Variants in KIAA0586 observed in about 807,000 individuals in gnomAD.
KIAA0586 encodes KIAA0586, also known as protein TALPID3.
Under a neutral mutation model 169.8 loss-of-function variants are expected in KIAA0586, and 144 were observed. That is an observed-to-expected ratio of 0.85 (90% CI 0.74 to 0.97). The LOEUF (loss-of-function observed/expected upper bound fraction) is 0.97, where lower values mean the gene tolerates loss of function less well. KIAA0586 is among the 50% of genes least tolerant of loss of function. The probability of loss-of-function intolerance (pLI) is 0.00; values close to 1 mark genes in which losing one functional copy is unlikely to be tolerated. For synonymous variants in KIAA0586, 625 were observed against 612.4 expected, an observed-to-expected ratio of 1.02 and a Z score of -0.30; for missense variants, 1,854 against 1,823.0, an observed-to-expected ratio of 1.02 and a Z score of -0.31.
At position 58,508,547 on chromosome 14, in the gene KIAA0586, G is replaced by C. The variant is rs766302985; in HGVS notation, c.4169-8G>C. On this transcript the variant is annotated splice_polypyrimidine_tract_variant and splice_region_variant and intron_variant, in intron 27 of 30. Transcript: ENST00000652326. ...ATTTTAACTTTTTATTTACATTTTT[G>C]ATAACAGGTAGTATTTATGAAGATT... 2.3e-5 allele frequency: 36 copies of C among 1,545,670 alleles called. No individual in the cohort carries two copies. Among genetic ancestry groups the C allele is most frequent in the Admixed American group, 4.1e-5 (2 of 49,380 alleles).
intron 20 of KIAA0586, among the ~76,000 whole-genome samples, chr14:58,479,581 T>TA (rs1020767958): frequency 1.1e-4 from 17 of 152,172 alleles, no homozygotes; most frequent in African/African-American, 3.4e-4. Flanking sequence ...ATGCTGCTTT[T>TA]AAAAAAATCT....
chr14:58,540,204 T>G, intron 30 of KIAA0586, 68 bp downstream of exon 30: 1 of 850,754 alleles, frequency 1.2e-6, no homozygotes, highest in South Asian at 1.6e-5. Flanking sequence ...CTGATGATTC[T>G]TTCTCTCATA....
intron 27 of KIAA0586, among the ~76,000 whole-genome samples, chr14:58,502,235 A>C (rs1039394913): frequency 6.6e-6 from 1 of 152,114 alleles, no homozygotes; most frequent in African/African-American, 2.4e-5. Flanking sequence ...TCCTGGGTTC[A>C]AGTGATTCTC....
rs1276286664 is a variant in KIAA0586, at chr14:58,484,923, TA to T, written c.3145-2083del. On this transcript the variant is annotated intron_variant, in intron 21 of 30. Transcript: ENST00000652326. ...ATATATATATATATATATATATATA[TA>T]TTTTTTTTTTTTTTTTTTTTTTTTT... Among the ~76,000 whole-genome samples the T allele has an allele frequency of 4.7e-3, 212 of 44,852 alleles. 3 individuals are homozygous for T. Among genetic ancestry groups the T allele is most frequent in the Non-Finnish European group, 7.1e-3 (176 of 24,630 alleles). 29.4% of individuals were successfully genotyped at this position (44,852 alleles called of 152,430 possible).
At position 58,512,012 on chromosome 14, in the gene KIAA0586, G is replaced by A. The variant is rs182639008; in HGVS notation, c.4324-510G>A. Among the ~76,000 whole-genome samples the A allele has an allele frequency of 3.9e-5, 6 of 152,236 alleles. No individual in the cohort carries two copies. The East Asian group carries it at 9.6e-4, about 24-fold the overall frequency. ...ATGAGAGATGATAGTGCTTATGGTG[G>A]AGCGTATGTTTCTTGAATAGCAAAT... On this transcript the variant is annotated intron_variant, in intron 28 of 30. Transcript: ENST00000652326.
chr14:58,519,085 T>A (rs1265836738), intron 29 of KIAA0586, among the ~76,000 whole-genome samples: 1 of 152,176 alleles, frequency 6.6e-6, no homozygotes, highest in Non-Finnish European at 1.5e-5. Flanking sequence ...TGAGCTGAGA[T>A]CGCACCACTG....
chr14:58,440,577 C>T (rs2038244553), intron 4 of KIAA0586, among the ~76,000 whole-genome samples: 1 of 152,182 alleles, frequency 6.6e-6, no homozygotes, highest in Non-Finnish European at 1.5e-5. Flanking sequence ...GGTGATCCAC[C>T]CGCCTTAGCC....
At chr14:58,477,968 C>T (rs954938195) in intron 20 of KIAA0586, among the ~76,000 whole-genome samples, 3 of 152,008 alleles carry the variant, frequency 2.0e-5, no homozygotes, top group South Asian at 2.1e-4. Context: ...AGTTTACTTG[C>T]CATAAAAGTC....
intron 20 of KIAA0586, 34 bp from the exon 21 acceptor site, chr14:58,482,479 C>T (rs1283146451): frequency 1.5e-6 from 2 of 1,371,454 alleles, no homozygotes; most frequent in Non-Finnish European, 9.6e-7. Context: ...ATGTTTCTTG[C>T]CCACTTATTC....
At chr14:58,499,597 C>T (rs757136150) in intron 27 of KIAA0586, among the ~76,000 whole-genome samples, 54 of 151,404 alleles carry the variant, frequency 3.6e-4, no homozygotes, top group Non-Finnish European at 6.5e-4. Flanking sequence ...CTTGCTTTGT[C>T]GCCCAGGGTG....
intron 29 of KIAA0586, among the ~76,000 whole-genome samples, chr14:58,522,850 T>C (rs1390167084): frequency 6.6e-6 from 1 of 152,200 alleles, no homozygotes; most frequent in African/African-American, 2.4e-5. Flanking sequence ...CAGATTGTTT[T>C]TATGTATATA....
downstream of KIAA0586, among the ~76,000 whole-genome samples, chr14:58,553,395 T>A (rs922460490): frequency 1.3e-5 from 2 of 151,866 alleles, no homozygotes; most frequent in African/African-American, 4.8e-5. Flanking sequence ...AACAAGGTAG[T>A]GGAAACGTAT....
At chr14:58,545,724 A>C (rs887277398) in intron 30 of KIAA0586, among the ~76,000 whole-genome samples, 4 of 152,194 alleles carry the variant, frequency 2.6e-5, no homozygotes, top group Non-Finnish European at 5.9e-5. Flanking sequence ...TGTCCTATAC[A>C]CATTTTTAAG....
At chr14:58,513,349 T>C (rs891672942) in intron 29 of KIAA0586, among the ~76,000 whole-genome samples, 32 of 152,104 alleles carry the variant, frequency 2.1e-4, no homozygotes, top group African/African-American at 7.2e-4. Flanking sequence ...TTTGCTTTTA[T>C]AACTGTGATT....
At chr14:58,535,291 CAT>C (rs2046212332) in intron 29 of KIAA0586, among the ~76,000 whole-genome samples, 1 of 152,198 alleles carries the variant, frequency 6.6e-6, no homozygotes. Context: ...TCTATTAAAA[CAT>C]AGAGTCTCTC....
chr14:58,464,423 TAAA>T (rs59548816), intron 14 of KIAA0586, among the ~76,000 whole-genome samples: 12 of 147,946 alleles, frequency 8.1e-5, no homozygotes, highest in South Asian at 2.1e-4. Flanking sequence ...TTCCTGCATT[TAAA>T]AAAAAAAAAG....
intron 29 of KIAA0586, chr14:58,521,240 C>T (rs1184014826): frequency 2.8e-5 from 30 of 1,081,078 alleles, no homozygotes; most frequent in African/African-American, 6.3e-5. Flanking sequence ...GCAACGTTGC[C>T]GACAAGACGG....
the KIAA0586 span, among the ~76,000 whole-genome samples, chr14:58,559,488 C>A: frequency 6.6e-6 from 1 of 152,180 alleles, no homozygotes; most frequent in Non-Finnish European, 1.5e-5. Flanking sequence ...TTCTCCAGTG[C>A]TTTCAAACAA....
chr14:58,538,432 A>AT (rs1265133099), intron 29 of KIAA0586, among the ~76,000 whole-genome samples: 19 of 151,846 alleles, frequency 1.3e-4, no homozygotes, highest in Admixed American at 6.6e-5. Flanking sequence ...TTTAGTATAA[A>AT]TTTTTTTTAA....
Sources: allele counts gnomAD v4.1 joint callset (sites outside exome capture counted in the v4.1 genomes callset), GRCh38; gene constraint gnomAD v4.1.1; transcripts MANE v1.5; gene names NCBI Gene and HGNC (gene_info 2026-07-23, HGNC 2026-07-21).